The following ADGB variants were observed in gnomAD, a reference collection of about 807,000 sequenced individuals.
The protein encoded by ADGB is calpain-7-like protein.
In ADGB, 172 loss-of-function variants were observed where a neutral mutation model predicts 210.5. The observed-to-expected ratio is 0.82, with a 90% CI of 0.72 to 0.93. The LOEUF is 0.93. Ranked by LOEUF, ADGB falls within the 40% of genes least tolerant of loss-of-function variation. ADGB has a pLI of 0.00. For synonymous variants in ADGB, 658 were observed against 662.7 expected, an observed-to-expected ratio of 0.99 and a Z score of 0.11; for missense variants, 2,025 against 1,964.8, an observed-to-expected ratio of 1.03 and a Z score of -0.58.
At chr6:146,692,230 A>T (rs1171037764) in intron 11 of ADGB, among the ~76,000 whole-genome samples, 2 of 152,026 alleles carry the variant, frequency 1.3e-5, no homozygotes, top group Non-Finnish European at 2.9e-5. Context: ...ATCACCCCTA[A>T]TGTTTAATTT....
intron 29 of ADGB, among the ~76,000 whole-genome samples, chr6:146,772,943 C>T (rs573312445): frequency 7.2e-5 from 11 of 152,126 alleles, no homozygotes; most frequent in South Asian, 2.1e-4. Context: ...TCAGGCTATA[C>T]GCAGGAGCCA....
chr6:146,758,868 C>A (rs907793687), intron 27 of ADGB, among the ~76,000 whole-genome samples: 8 of 151,804 alleles, frequency 5.3e-5, no homozygotes, highest in African/African-American at 1.9e-4. Flanking sequence ...TTATTTTTCA[C>A]AGAAAAGATT....
chr6:146,659,281 T>G (rs1775823678), intron 5 of ADGB, among the ~76,000 whole-genome samples: 1 of 152,232 alleles, frequency 6.6e-6, no homozygotes, highest in Non-Finnish European at 1.5e-5. Flanking sequence ...TATGCATTAT[T>G]ACTTCTACTT....
At chr6:146,630,438 C>T (rs1781047363) in intron 1 of ADGB, among the ~76,000 whole-genome samples, 1 of 151,294 alleles carries the variant, frequency 6.6e-6, no homozygotes, top group African/African-American at 2.4e-5. Context: ...AGAATAAAAG[C>T]CAGACATGTT....
chr6:146,733,031 T>G, intron 20 of ADGB, 89 bp from the exon 21 acceptor site: 1 of 1,049,576 alleles, frequency 9.5e-7, no homozygotes, highest in Non-Finnish European at 1.3e-6. Flanking sequence ...GTTTTTATTT[T>G]TTATTTTTAG....
At chr6:146,673,843 G>A (rs1328406550) in intron 8 of ADGB, among the ~76,000 whole-genome samples, 1 of 152,104 alleles carries the variant, frequency 6.6e-6, no homozygotes, top group African/African-American at 2.4e-5. Context: ...ATATACACTT[G>A]GGAGTCGTTG....
intron 28 of ADGB, among the ~76,000 whole-genome samples, chr6:146,766,874 A>G (rs1777584662): frequency 6.6e-6 from 1 of 152,238 alleles, no homozygotes; most frequent in Non-Finnish European, 1.5e-5. Context: ...TTAAGCAATC[A>G]GACAGAATTC....
intron 14 of ADGB, among the ~76,000 whole-genome samples, chr6:146,715,940 T>G (rs1159953121): frequency 6.6e-6 from 1 of 151,252 alleles, no homozygotes; most frequent in Non-Finnish European, 1.5e-5. Context: ...TGGTGGTGTG[T>G]GCCTGTAATC....
chr6:146,651,229 G>A (rs1775695824), intron 3 of ADGB, among the ~76,000 whole-genome samples: 1 of 152,190 alleles, frequency 6.6e-6, no homozygotes, highest in African/African-American at 2.4e-5. Flanking sequence ...GCCCTGCCTG[G>A]TAGCATTAAC....
In ADGB at chr6:146,785,644, T is replaced by G; in HGVS notation, c.4247T>G (p.Phe1416Cys). The change falls in exon 32 of 36, where the codon TTC becomes TGC. Residue 1416 changes from phenylalanine (F) to cysteine (C), a missense_variant. Transcript: ENST00000397944. The part of the protein sequence containing the change: ...SQARLHYLSG[F>C]IKKTSDAESP... ...GCTCGTTTGCATTACCTTAGCGGGT[T>G]CATTAAGAAAACATCTGATGCTGAG... 6.4e-7 allele frequency: 1 copy of G among 1,551,214 alleles called. No homozygotes were observed. The highest frequency in any genetic ancestry group is 8.7e-7 in the Non-Finnish European group (1 of 1,146,630).
At chr6:146,727,340 C>G (rs1289298888) in intron 19 of ADGB, among the ~76,000 whole-genome samples, 1 of 152,142 alleles carries the variant, frequency 6.6e-6, no homozygotes, top group Non-Finnish European at 1.5e-5. Flanking sequence ...GCTGCCTCCT[C>G]TGTTTGCTGT....
At chr6:146,812,844 A>C (rs1778322176) in intron 35 of ADGB, among the ~76,000 whole-genome samples, 1 of 152,228 alleles carries the variant, frequency 6.6e-6, no homozygotes, top group Non-Finnish European at 1.5e-5. Flanking sequence ...TTGGACAGTG[A>C]AGCTTTTTGC....
chr6:146,719,430 T>A (rs1330841550), intron 16 of ADGB, among the ~76,000 whole-genome samples: 1 of 134,240 alleles, frequency 7.4e-6, no homozygotes, highest in Non-Finnish European at 1.6e-5. Context: ...TCCTTTTATT[T>A]CCCTGAATTT....
rs144416061 is a variant in ADGB at position 146,670,369 on chromosome 6, C to T, written c.840-1851C>T. Among the ~76,000 whole-genome samples the T allele has an allele frequency of 1.5e-4, 23 of 152,304 alleles. No individual in the cohort carries two copies. In the East Asian group the frequency reaches 4.4e-3, roughly 29 times the overall value. On this transcript the variant is annotated intron_variant, in intron 7 of 35. Transcript: ENST00000397944. ...ACTGACCACATCAATGTCTTGGCAA[C>T]CATTTACTGGTCACCCAAGTCTTCT...
intron 12 of ADGB, 147 bp from the exon 13 acceptor site, chr6:146,700,793 TA>T: frequency 1.2e-6 from 1 of 868,966 alleles, no homozygotes; most frequent in Non-Finnish European, 1.7e-6. Flanking sequence ...TAACATGAGG[TA>T]AAAAACATTA....
In ADGB at chr6:146,701,091, G is replaced by A. The variant is rs41285871; in HGVS notation, c.1707+21G>A. 6 of 1,548,162 alleles carry A rather than the reference G, an allele frequency of 3.9e-6. No homozygotes were observed. In the African/African-American group the frequency reaches 5.5e-5, roughly 14 times the overall value. ...CTCAGGTGACTATGTTACTCTTACT[G>A]TTGGCCCAACTCTTAATGAGACAAG... On this transcript the variant is annotated intron_variant, in intron 13 of 35. Transcript: ENST00000397944.
rs1023430743 is a variant in ADGB at position 146,782,041 on chromosome 6, A to C, written c.3884A>C (p.Glu1295Ala). Residue 1295 changes from glutamate (E) to alanine (A), a missense_variant, in exon 30 of 36, where the codon GAG becomes GCG. Physicochemically the swap from Glu to Ala is moderately radical, Grantham distance 107. Coordinates refer to ENST00000397944, the MANE Select transcript of ADGB (RefSeq NM_024694.4). ...CTAGCTTATGGTGAAAGACACGAGG[A>C]GTTAATTAACTTAGGAAGCCCAGAC... is the stretch of plus-strand genomic sequence containing the variant. ...NTKAYGERHEELINLGSPDSH... is the reference protein window; with the variant it reads ...NTKAYGERHEALINLGSPDSH... 3.3e-6 allele frequency: 5 copies of C among 1,501,950 alleles called. No individual in the cohort carries two copies. In the African/African-American group the frequency reaches 5.7e-5, roughly 17 times the overall value. The allele number at this position is 1,501,950 out of a possible 1,614,324, so 93.0% of individuals were successfully genotyped here.
intron 26 of ADGB, among the ~76,000 whole-genome samples, chr6:146,748,648 C>T (rs1304130061): frequency 6.6e-6 from 1 of 152,140 alleles, no homozygotes; most frequent in African/African-American, 2.4e-5. Context: ...TTCAGTGGTG[C>T]AATCATGGCT....
intron 3 of ADGB, among the ~76,000 whole-genome samples, chr6:146,645,513 T>C (rs1775596523): frequency 6.6e-6 from 1 of 152,078 alleles, no homozygotes; most frequent in Non-Finnish European, 1.5e-5. Flanking sequence ...AATGCCTTTT[T>C]TCTTCCTTGA....
Sources: allele counts gnomAD v4.1 joint callset (sites outside exome capture counted in the v4.1 genomes callset), GRCh38; gene constraint gnomAD v4.1.1; transcripts MANE v1.5; gene names NCBI Gene and HGNC (gene_info 2026-07-23, HGNC 2026-07-21).